The following PTPRC variants were observed in gnomAD, a reference collection of about 807,000 sequenced individuals.
PTPRC encodes receptor-type tyrosine-protein phosphatase C.
A neutral mutation model predicts 155.9 loss-of-function variants in PTPRC; 44 were observed. The ratio of observed to expected loss-of-function variants is 0.28; its 90% CI spans 0.22 to 0.36. The LOEUF (loss-of-function observed/expected upper bound fraction) is 0.36, where lower values mean the gene tolerates loss of function less well. PTPRC is among the 10% of genes least tolerant of loss of function. PTPRC has a pLI of 1.00. For missense variants in PTPRC, 1,401 were observed against 1,564.6 expected (o/e 0.90, Z 1.76); for synonymous variants, 525 against 533.1 (o/e 0.98, Z 0.21).
intron 2 of PTPRC, among the ~76,000 whole-genome samples, chr1:198,665,220 G>C (rs538655062): frequency 6.4e-4 from 96 of 151,082 alleles, no homozygotes; most frequent in South Asian, 1.5e-3. Context: ...CTCCCGAGTA[G>C]GGGGGACTAC....
intron 2 of PTPRC, among the ~76,000 whole-genome samples, chr1:198,642,496 G>A (rs531645277): frequency 1.3e-4 from 19 of 151,770 alleles, no homozygotes; most frequent in African/African-American, 4.3e-4. Flanking sequence ...TGCCTACTAT[G>A]TGTTGATCAC....
intron 2 of PTPRC, among the ~76,000 whole-genome samples, chr1:198,690,500 T>C (rs907822027): frequency 1.3e-5 from 2 of 151,654 alleles, no homozygotes; most frequent in Admixed American, 1.3e-4. Context: ...AAAAGAGAAA[T>C]GTAATGAGAA....
intron 2 of PTPRC, among the ~76,000 whole-genome samples, chr1:198,668,876 C>T (rs1664481560): frequency 6.6e-6 from 1 of 152,162 alleles, no homozygotes; most frequent in Non-Finnish European, 1.5e-5. Context: ...GAAAACCCCA[C>T]TTTACCTGCC....
intron 2 of PTPRC, among the ~76,000 whole-genome samples, chr1:198,670,107 A>T (rs1664557897): frequency 6.6e-6 from 1 of 152,158 alleles, no homozygotes. Flanking sequence ...GAGTTTTTAT[A>T]GTGATATAGA....
chr1:198,685,581 T>C (rs1665573834), intron 2 of PTPRC, among the ~76,000 whole-genome samples: 1 of 152,024 alleles, frequency 6.6e-6, no homozygotes, highest in Non-Finnish European at 1.5e-5. Context: ...TTTAATATGA[T>C]TTGTTAGATT....
chr1:198,756,502 G>A lies in PTPRC; in HGVS notation c.*321G>A, dbSNP rs1409339074. ...AGAGAAAGAGAGAGAATTCTTTCAAGTGAATCTAAAAGCTTTTGCTTTTCC... is the reference window on the plus strand; with the variant it reads ...AGAGAAAGAGAGAGAATTCTTTCAAATGAATCTAAAAGCTTTTGCTTTTCC... On this transcript the variant is annotated 3_prime_UTR_variant, in exon 33 of 33. Transcript: ENST00000442510. 1 of 226,124 alleles carries A rather than the reference G, an allele frequency of 4.4e-6. No homozygotes were observed. The highest frequency in any genetic ancestry group is 1.0e-4 in the East Asian group (1 of 9,934). 14.0% of individuals were successfully genotyped at this position (226,124 alleles called of 1,614,324 possible). A position where few individuals can be genotyped will look rare whatever the true frequency, so the allele number is the denominator to read the frequency against.
At chr1:198,714,192 AT>A (rs1041102577) in intron 12 of PTPRC, among the ~76,000 whole-genome samples, 20 of 149,070 alleles carry the variant, frequency 1.3e-4, no homozygotes, top group East Asian at 5.9e-4. Flanking sequence ...CACATTGTTC[AT>A]TTTTTTTTTC....
chr1:198,646,205 T>A (rs904617623), intron 2 of PTPRC, among the ~76,000 whole-genome samples: 44 of 151,806 alleles, frequency 2.9e-4, no homozygotes, highest in Admixed American at 1.8e-3. Context: ...AGTTTTTCCA[T>A]TTTAATTTTA....
intron 2 of PTPRC, among the ~76,000 whole-genome samples, chr1:198,657,242 A>C (rs1547652): frequency 0.99 from 151,123 of 152,088 alleles, 75,090 homozygotes; most frequent in South Asian, 1. Context: ...GTAGGTTTTT[A>C]TGTTTATAGT....
At chr1:198,680,647 G>C (rs191916182) in intron 2 of PTPRC, among the ~76,000 whole-genome samples, 46 of 152,026 alleles carry the variant, frequency 3.0e-4, no homozygotes, top group Non-Finnish European at 4.4e-4. Flanking sequence ...TAGCATGCAT[G>C]GGGAAGGGAT....
intron 2 of PTPRC, among the ~76,000 whole-genome samples, chr1:198,671,019 A>T (rs185859413): frequency 1.3e-5 from 2 of 152,182 alleles, no homozygotes; most frequent in East Asian, 3.8e-4. Flanking sequence ...AAAAACTTTA[A>T]TCATTTCATA....
chr1:198,664,875 C>G (rs1664188234), intron 2 of PTPRC, among the ~76,000 whole-genome samples: 1 of 152,104 alleles, frequency 6.6e-6, no homozygotes, highest in African/African-American at 2.4e-5. Flanking sequence ...AGATCTCTTT[C>G]TTTTTGACTT....
intron 2 of PTPRC, among the ~76,000 whole-genome samples, chr1:198,672,781 A>T (rs12063107): frequency 0.017 from 2,535 of 152,044 alleles, 68 homozygotes; most frequent in African/African-American, 0.058. Context: ...TGTGCCCAGC[A>T]CCATTTTAAC....
intron 23 of PTPRC, among the ~76,000 whole-genome samples, chr1:198,736,333 C>T (rs1654636411): frequency 6.6e-6 from 1 of 151,556 alleles, no homozygotes; most frequent in African/African-American, 2.4e-5. Flanking sequence ...CATTTCCACC[C>T]CTGCCATACC....
intron 3 of PTPRC, chr1:198,694,386 G>T: frequency 9.3e-7 from 1 of 1,075,520 alleles, no homozygotes; most frequent in Non-Finnish European, 1.2e-6. Context: ...AATCTCCCTT[G>T]GCAATACGCT....
At chr1:198,651,985 G>C (rs1388373007) in intron 2 of PTPRC, among the ~76,000 whole-genome samples, 1 of 151,712 alleles carries the variant, frequency 6.6e-6, no homozygotes, top group Admixed American at 6.6e-5. Flanking sequence ...TACAATCCTT[G>C]GTCACTAGTC....
intron 2 of PTPRC, among the ~76,000 whole-genome samples, chr1:198,672,855 G>T (rs1664725953): frequency 6.6e-6 from 1 of 152,058 alleles, no homozygotes; most frequent in African/African-American, 2.4e-5. Context: ...TGCTTCCTAA[G>T]TTCCACTCTG....
At chr1:198,692,288 T>G (rs1665970436) in intron 2 of PTPRC, 59 bp from the exon 3 acceptor site, 4 of 1,295,358 alleles carry the variant, frequency 3.1e-6, no homozygotes, top group Middle Eastern at 5.2e-4. Flanking sequence ...TAATATATGT[T>G]TACATTAATA....
intron 23 of PTPRC, among the ~76,000 whole-genome samples, chr1:198,741,024 A>G (rs922236106): frequency 1.3e-4 from 19 of 151,846 alleles, no homozygotes; most frequent in African/African-American, 4.3e-4. Context: ...GAGTGCTGTG[A>G]AACAATCCTA....
Sources: gnomAD v4.1 joint callset for allele counts (sites outside exome capture counted in the v4.1 genomes callset) on GRCh38, gnomAD v4.1.1 for gene constraint, MANE v1.5 for transcripts, NCBI Gene and HGNC (gene_info 2026-07-23, HGNC 2026-07-21) for gene names.